Variants in POU6F2 observed in about 807,000 individuals in gnomAD.
The protein encoded by POU6F2 is POU domain, class 6, transcription factor 2.
Under a neutral mutation model 71.3 loss-of-function variants are expected in POU6F2, and 31 were observed. That is an observed-to-expected ratio of 0.43 (90% CI 0.33 to 0.59). The LOEUF is 0.59. Among genes scored for constraint, POU6F2 ranks in the 20% least tolerant of loss-of-function variants. The probability of loss-of-function intolerance (pLI) is 0.04; values close to 1 mark genes in which losing one functional copy is unlikely to be tolerated. For synonymous variants in POU6F2, 347 were observed against 355.7 expected, an observed-to-expected ratio of 0.98 and a Z score of 0.27; for missense variants, 783 against 856.8, an observed-to-expected ratio of 0.91 and a Z score of 1.07.
chr7:39,270,133 G>A (rs532296591), intron 4 of POU6F2, among the ~76,000 whole-genome samples: 8 of 152,312 alleles, frequency 5.3e-5, no homozygotes, highest in African/African-American at 1.4e-4. Context: ...ATAGGAATGA[G>A]CAGACTTAGC....
intron 5 of POU6F2, among the ~76,000 whole-genome samples, chr7:39,380,116 G>A (rs1356007466): frequency 6.6e-6 from 1 of 152,126 alleles, no homozygotes; most frequent in African/African-American, 2.4e-5. Flanking sequence ...GAGAAATATA[G>A]ATGCTCCCAC....
chr7:39,037,302 A>T (rs141984633), intron 1 of POU6F2, among the ~76,000 whole-genome samples: 1 of 152,090 alleles, frequency 6.6e-6, no homozygotes, highest in Non-Finnish European at 1.5e-5. Flanking sequence ...GACCTCAGAA[A>T]AATTGAGCAC....
At chr7:39,292,762 A>G (rs952018746) in intron 4 of POU6F2, among the ~76,000 whole-genome samples, 4 of 152,170 alleles carry the variant, frequency 2.6e-5, no homozygotes, top group Non-Finnish European at 4.4e-5. Context: ...ACTCAGTCTC[A>G]TAGAAGCGGA....
At position 39,282,358 on chromosome 7, in the gene POU6F2, C is replaced by T. The variant is rs115325281; in HGVS notation, c.599-57284C>T. Among the ~76,000 whole-genome samples, 568 of 152,158 alleles carry T rather than the reference C, an allele frequency of 3.7e-3. 2 individuals are homozygous for T. The highest frequency in any genetic ancestry group is 0.013 in the African/African-American group (543 of 41,550). On this transcript the variant is annotated intron_variant, in intron 4 of 9. Transcript: ENST00000518318. Reference sequence around the variant, plus strand: ...TACTTTTAAGATCTTATCCAAAAAACCCTTGCCTAGACCAGTGTCATGAAT... The same window carrying T: ...TACTTTTAAGATCTTATCCAAAAAATCCTTGCCTAGACCAGTGTCATGAAT...
chr7:39,265,147 C>T (rs1402266431), intron 4 of POU6F2, among the ~76,000 whole-genome samples: 1 of 152,112 alleles, frequency 6.6e-6, no homozygotes, highest in Non-Finnish European at 1.5e-5. Flanking sequence ...CTCTCCCCCA[C>T]CCCCAACACA....
rs1440271765 is a variant in POU6F2, at chr7:39,433,086, A to C, written c.1123A>C (p.Thr375Pro). The change falls in exon 7 of 10, where the codon ACC becomes CCC. Residue 375 changes from threonine to proline, a missense_variant. Transcript: ENST00000518318. The part of the protein sequence containing the change: ...VTNAQGQIIG[T>P]IPLMPNPGPS... ...TGGCCCTCTCTTGCAGATTATCGGG[A>C]CCATTCCACTGATGCCTAATCCAGG... The C allele has an allele frequency of 6.2e-7, 1 of 1,612,722 alleles. No homozygotes were observed. The highest frequency in any genetic ancestry group is 8.5e-7 in the Non-Finnish European group (1 of 1,179,274).
intron 4 of POU6F2, among the ~76,000 whole-genome samples, chr7:39,301,896 T>C (rs998535359): frequency 1.3e-5 from 2 of 152,102 alleles, no homozygotes; most frequent in Non-Finnish European, 2.9e-5. Context: ...CACATAATGG[T>C]AGTAATTTGT....
At chr7:38,985,441 C>T (rs1365262369) in intron 1 of POU6F2, among the ~76,000 whole-genome samples, 2 of 151,958 alleles carry the variant, frequency 1.3e-5, no homozygotes, top group African/African-American at 4.8e-5. Flanking sequence ...AAAAAAAAAT[C>T]CAGAATGTTC....
At chr7:39,014,403 T>C (rs866069246) in intron 1 of POU6F2, among the ~76,000 whole-genome samples, 2 of 152,220 alleles carry the variant, frequency 1.3e-5, no homozygotes, top group Middle Eastern at 6.8e-3. Context: ...GTGAACATAC[T>C]GAAAAAGAAG....
At chr7:39,406,329 C>A (rs1787426214) in intron 5 of POU6F2, 1 of 452,640 alleles carries the variant, frequency 2.2e-6, no homozygotes, top group East Asian at 4.0e-5. Context: ...AACAGCCCAC[C>A]TCACCCCTGA....
intron 1 of POU6F2, among the ~76,000 whole-genome samples, chr7:39,069,924 G>A (rs904127560): frequency 5.9e-5 from 9 of 152,164 alleles, no homozygotes; most frequent in African/African-American, 2.2e-4. Context: ...GTGCAGACCT[G>A]TGTAATTCAA....
At chr7:39,255,926 A>G (rs1784011422) in intron 4 of POU6F2, among the ~76,000 whole-genome samples, 1 of 152,200 alleles carries the variant, frequency 6.6e-6, no homozygotes, top group African/African-American at 2.4e-5. Flanking sequence ...GCACCTGCCT[A>G]GAAGTTTGCT....
chr7:39,297,289 T>C (rs1360238066), intron 4 of POU6F2, among the ~76,000 whole-genome samples: 1 of 151,860 alleles, frequency 6.6e-6, no homozygotes, highest in Non-Finnish European at 1.5e-5. Flanking sequence ...TCAGCATTCC[T>C]GTATGAAGTC....
intron 1 of POU6F2, chr7:39,006,694 C>A: frequency 1.4e-6 from 1 of 726,188 alleles, no homozygotes; most frequent in Non-Finnish European, 2.4e-6. Context: ...GCATGTGTGT[C>A]ATTTCAGCTG....
chr7:39,302,220 C>G (rs1483592387), intron 4 of POU6F2, among the ~76,000 whole-genome samples: 2 of 152,134 alleles, frequency 1.3e-5, no homozygotes, highest in African/African-American at 4.8e-5. Flanking sequence ...AAGCTTTGAA[C>G]TAAGGTAACC....
At position 39,066,705 on chromosome 7, in the gene POU6F2, A is replaced by T. The variant is rs1489927395; in HGVS notation, c.106-19155A>T. ...TTGATGGTAACACTGAATATTATAA[A>T]GATGACATTTATTCCCCCCCTTTTT... On this transcript the variant is annotated intron_variant, in intron 1 of 9. Transcript: ENST00000518318. Among the ~76,000 whole-genome samples the T allele has an allele frequency of 3.6e-4, 55 of 151,154 alleles. 1 individual carries two copies. The highest frequency in any genetic ancestry group is 3.0e-5 in the Non-Finnish European group (2 of 67,524).
intron 2 of POU6F2, among the ~76,000 whole-genome samples, chr7:39,186,895 T>A (rs1245551389): frequency 6.6e-6 from 1 of 152,230 alleles, no homozygotes; most frequent in East Asian, 1.9e-4. Flanking sequence ...AGAATCTCAG[T>A]ATCTTGTCAG....
chr7:39,178,212 C>A (rs1057331741), intron 2 of POU6F2, among the ~76,000 whole-genome samples: 4 of 152,110 alleles, frequency 2.6e-5, no homozygotes, highest in Admixed American at 1.3e-4. Context: ...TGAGATCATG[C>A]CGCTGCACTC....
chr7:39,460,807 C>A lies in POU6F2; in HGVS notation c.1658+92C>A. ...GCTTTTCTTCGTCGGGTGGGCAAAG[C>A]TGGAGGGGCAGAGAGTGGGAACAAA... is the stretch of plus-strand genomic sequence containing the variant. On this transcript the variant is annotated intron_variant, in intron 9 of 9. Transcript: ENST00000518318. The surrounding 1 kb of genome is among the most constrained non-coding windows in gnomAD (Gnocchi z 4.4). The A allele has an allele frequency of 7.3e-7, 1 of 1,372,652 alleles. No homozygotes were observed. Among genetic ancestry groups the A allele is most frequent in the Non-Finnish European group, 9.6e-7 (1 of 1,038,752 alleles). 85.0% of individuals were successfully genotyped at this position (1,372,652 alleles called of 1,614,324 possible). A position where few individuals can be genotyped will look rare whatever the true frequency, so the allele number is the denominator to read the frequency against.
Sources: allele counts gnomAD v4.1 joint callset (sites outside exome capture counted in the v4.1 genomes callset), GRCh38; gene constraint gnomAD v4.1.1; non-coding constraint Gnocchi (gnomAD v3.1); transcripts MANE v1.5; gene names NCBI Gene and HGNC (gene_info 2026-07-23, HGNC 2026-07-21).